The following DIP2B variants were observed in gnomAD, a reference collection of about 807,000 sequenced individuals.
DIP2B encodes the protein DIP2 acetate--CoA ligase B (putative), also known as disco-interacting protein 2 homolog B.
A neutral mutation model predicts 198.0 loss-of-function variants in DIP2B; 76 were observed. The observed-to-expected ratio is 0.38, with a 90% CI of 0.32 to 0.46. The LOEUF is 0.46. DIP2B is among the 20% of genes least tolerant of loss of function. The probability of loss-of-function intolerance (pLI) is 0.99; values close to 1 mark genes in which losing one functional copy is unlikely to be tolerated. For synonymous variants in DIP2B, 701 were observed against 739.1 expected (o/e 0.95, Z 0.84); for missense variants, 1,559 against 1,978.4 (o/e 0.79, Z 4.02).
intron 1 of DIP2B, among the ~76,000 whole-genome samples, chr12:50,621,086 G>A (rs920556928): frequency 6.6e-6 from 1 of 152,200 alleles, no homozygotes; most frequent in Non-Finnish European, 1.5e-5. Flanking sequence ...AATTGGACAA[G>A]GTTGAAAAAC....
At chr12:50,662,155 C>A (rs1938660801) in intron 4 of DIP2B, among the ~76,000 whole-genome samples, 1 of 152,164 alleles carries the variant, frequency 6.6e-6, no homozygotes, top group South Asian at 2.1e-4. Flanking sequence ...ATAATAATTT[C>A]ATGATTCCAA....
chr12:50,650,047 A>G (rs1938426934), intron 3 of DIP2B, among the ~76,000 whole-genome samples: 1 of 152,016 alleles, frequency 6.6e-6, no homozygotes, highest in Non-Finnish European at 1.5e-5. Context: ...CATCTCTACT[A>G]AAAATACAAA....
chr12:50,601,965 C>A (rs1958940640), intron 1 of DIP2B, among the ~76,000 whole-genome samples: 1 of 152,216 alleles, frequency 6.6e-6, no homozygotes, highest in African/African-American at 2.4e-5. Context: ...TATAATTCAA[C>A]ATTCTCATTT....
chr12:50,661,446 G>A (rs1304880208), intron 4 of DIP2B, among the ~76,000 whole-genome samples: 1 of 152,100 alleles, frequency 6.6e-6, no homozygotes. Context: ...ACTTCTCAGA[G>A]CATTTGGGTA....
intron 1 of DIP2B, among the ~76,000 whole-genome samples, chr12:50,527,165 G>A (rs555127011): frequency 6.6e-6 from 1 of 152,350 alleles, no homozygotes; most frequent in South Asian, 2.1e-4. Flanking sequence ...AACCATGGAA[G>A]TGAAATAATT....
intron 1 of DIP2B, among the ~76,000 whole-genome samples, chr12:50,594,637 AGT>A (rs1958863035): frequency 6.6e-6 from 1 of 152,214 alleles, no homozygotes; most frequent in Non-Finnish European, 1.5e-5. Context: ...CATTTATATA[AGT>A]GTGAAGCAGC....
chr12:50,607,604 G>A (rs576954616), intron 1 of DIP2B, among the ~76,000 whole-genome samples: 12 of 152,236 alleles, frequency 7.9e-5, no homozygotes, highest in African/African-American at 2.6e-4. Context: ...TTCGGCTAAG[G>A]TCAGGGTTTT....
chr12:50,704,340 T>A, intron 20 of DIP2B, 120 bp downstream of exon 20: 2 of 869,818 alleles, frequency 2.3e-6, no homozygotes, highest in Non-Finnish European at 3.3e-6. Flanking sequence ...CACTTATATT[T>A]AAAGCAGTTC....
At chr12:50,682,085 A>G (rs1939050059) in intron 9 of DIP2B, among the ~76,000 whole-genome samples, 1 of 152,242 alleles carries the variant, frequency 6.6e-6, no homozygotes, top group Admixed American at 6.5e-5. Flanking sequence ...CCGCAGTGGT[A>G]GTGACTTTTA....
chr12:50,619,473 T>C (rs1426511370), intron 1 of DIP2B, among the ~76,000 whole-genome samples: 1 of 152,168 alleles, frequency 6.6e-6, no homozygotes, highest in African/African-American at 2.4e-5. Flanking sequence ...AAATGTCGTC[T>C]GCTCCGTGAA....
At position 50,739,544 on chromosome 12, in the gene DIP2B, C is replaced by T. The variant is rs763176283; in HGVS notation, c.4312C>T (p.Leu1438Phe). 1.9e-6 allele frequency: 3 copies of T among 1,614,020 alleles called. No individual in the cohort carries two copies. Among genetic ancestry groups the T allele is most frequent in the Non-Finnish European group, 2.5e-6 (3 of 1,180,014 alleles). ...AQTLWARTGYLGFVRRTELTA... is the reference protein window; with the variant it reads ...AQTLWARTGYFGFVRRTELTA... ...GACACTCTGGGCTCGGACAGGATAC[C>T]TTGGTTTTGTCCGCCGGACCGAGCT... The change falls in exon 36 of 38, where the codon CTT (leucine) becomes TTT (phenylalanine). Residue 1438 changes from leucine (L) to phenylalanine (F), a missense_variant. By Grantham distance (22) the Leu-to-Phe change is conservative. Coordinates refer to ENST00000301180, the MANE Select transcript of DIP2B (RefSeq NM_173602.3).
rs575572058 is a variant in DIP2B, at chr12:50,735,141, C to T, written c.4101+11C>T. The T allele has an allele frequency of 1.3e-4, 206 of 1,614,082 alleles. 2 individuals carry two copies. In the South Asian group the frequency reaches 2.2e-3, roughly 17 times the overall value. ...TCAGAGTCTGGAAAGGTAATTTGTT[C>T]TGTTGACCATGGGGAAGGTGGGCTG... is the stretch of plus-strand genomic sequence containing the variant. On this transcript the variant is annotated intron_variant, in intron 34 of 37. Transcript: ENST00000301180.
intron 1 of DIP2B, among the ~76,000 whole-genome samples, chr12:50,564,386 T>C (rs1391802216): frequency 6.6e-6 from 1 of 152,202 alleles, no homozygotes; most frequent in Non-Finnish European, 1.5e-5. Context: ...TAAGAGTAGA[T>C]TGCTGTACTT....
intron 2 of DIP2B, among the ~76,000 whole-genome samples, chr12:50,634,729 C>T (rs182833385): frequency 6.6e-6 from 1 of 152,292 alleles, no homozygotes; most frequent in Admixed American, 6.5e-5. Context: ...TCTTATTCAC[C>T]TACTGGAGGA....
chr12:50,524,347 T>C (rs1958144551), intron 1 of DIP2B, among the ~76,000 whole-genome samples: 1 of 152,178 alleles, frequency 6.6e-6, no homozygotes, highest in Non-Finnish European at 1.5e-5. Context: ...CTTCCCCGCT[T>C]TATAGCTCTT....
At position 50,728,537 on chromosome 12, in the gene DIP2B, A is replaced by G. The variant is rs1485155365; in HGVS notation, c.3511-11A>G. ...ACAGTCCCAGCCTGTTCCATTTTCC[A>G]TACTTTCCAGATGTCCCACTCTGCA... On this transcript the variant is annotated splice_polypyrimidine_tract_variant and intron_variant, in intron 29 of 37. Coordinates refer to ENST00000301180, the MANE Select transcript of DIP2B (RefSeq NM_173602.3). The G allele has an allele frequency of 6.2e-7, 1 of 1,612,376 alleles. No individual in the cohort carries two copies. Among genetic ancestry groups the G allele is most frequent in the African/African-American group, 1.3e-5 (1 of 75,014 alleles).
At position 50,725,815 on chromosome 12, in the gene DIP2B, C is replaced by T. The variant is rs138242170; in HGVS notation, c.3400+929C>T. Among the ~76,000 whole-genome samples, 588 of 151,626 alleles carry T rather than the reference C, an allele frequency of 3.9e-3. 5 individuals carry two copies. Among genetic ancestry groups the T allele is most frequent in the African/African-American group, 0.013 (551 of 41,320 alleles). On this transcript the variant is annotated intron_variant, in intron 28 of 37. Transcript: ENST00000301180. ...TGAAATTCAAATCCAGCCAGTTTGG[C>T]TCCATTCCCAGCCTCTTAACCATTA...
At chr12:50,565,142 A>G (rs1350646360) in intron 1 of DIP2B, among the ~76,000 whole-genome samples, 1 of 151,928 alleles carries the variant, frequency 6.6e-6, no homozygotes, top group Admixed American at 6.6e-5. Flanking sequence ...AGCTGGGACT[A>G]AAGGCATGCA....
intron 1 of DIP2B, among the ~76,000 whole-genome samples, chr12:50,536,574 G>GTT (rs56861489): frequency 1.8e-3 from 260 of 147,862 alleles, no homozygotes; most frequent in African/African-American, 3.6e-3. Context: ...ATTGTGTTTT[G>GTT]TTTTTTTTTT....
Sources: allele counts gnomAD v4.1 joint callset (sites outside exome capture counted in the v4.1 genomes callset), GRCh38; gene constraint gnomAD v4.1.1; transcripts MANE v1.5; gene names NCBI Gene and HGNC (gene_info 2026-07-23, HGNC 2026-07-21).